Variants in SAMD5 observed in about 807,000 individuals in gnomAD.
SAMD5 encodes sterile alpha motif domain-containing protein 5.
A neutral mutation model predicts 11.3 loss-of-function variants in SAMD5; 13 were observed. That is an observed-to-expected ratio of 1.15 (90% CI 0.75 to 1.83). SAMD5 has a LOEUF of 1.83. SAMD5 is among the 40% of genes most tolerant of loss of function. The probability of loss-of-function intolerance (pLI) is 0.00; values close to 1 mark genes in which losing one functional copy is unlikely to be tolerated. For synonymous variants in SAMD5, 129 were observed against 111.3 expected, an observed-to-expected ratio of 1.16 and a Z score of -1.00; for missense variants, 255 against 239.1, an observed-to-expected ratio of 1.07 and a Z score of -0.44.
chr6:147,913,663 T>G, the SAMD5 span, among the ~76,000 whole-genome samples: 1 of 152,028 alleles, frequency 6.6e-6, no homozygotes, highest in East Asian at 1.9e-4. Flanking sequence ...GCCATTGCAC[T>G]CCAGCCTGGG....
the SAMD5 span, among the ~76,000 whole-genome samples, chr6:147,878,637 AT>A: frequency 6.7e-6 from 1 of 148,268 alleles, no homozygotes; most frequent in African/African-American, 2.5e-5. Flanking sequence ...ATATCTATAT[AT>A]TTACAGAGAT....
chr6:147,785,405 A>G, the SAMD5 span, among the ~76,000 whole-genome samples: 12 of 152,126 alleles, frequency 7.9e-5, no homozygotes, highest in Non-Finnish European at 1.5e-4. Flanking sequence ...CACCTTTGGT[A>G]GGGACCACAT....
the SAMD5 span, among the ~76,000 whole-genome samples, chr6:147,782,863 G>T: frequency 6.6e-6 from 1 of 152,156 alleles, no homozygotes; most frequent in East Asian, 1.9e-4. Flanking sequence ...CTAGTAATAT[G>T]CTCCCATTGT....
the SAMD5 span, among the ~76,000 whole-genome samples, chr6:147,924,365 T>C: frequency 2.0e-5 from 3 of 152,122 alleles, no homozygotes; most frequent in Admixed American, 2.0e-4. Flanking sequence ...AGTAGGCTTA[T>C]AGGGTGCACT....
At chr6:147,781,164 T>TG in the SAMD5 span, among the ~76,000 whole-genome samples, 1 of 151,832 alleles carries the variant, frequency 6.6e-6, no homozygotes, top group African/African-American at 2.4e-5. Context: ...GATTTGTTTT[T>TG]TTTTTTTTTG....
At chr6:147,745,777 C>CTTTTTTTT in the SAMD5 span, among the ~76,000 whole-genome samples, 1 of 133,252 alleles carries the variant, frequency 7.5e-6, no homozygotes, top group South Asian at 2.5e-4. Context: ...TTCTTTCTTT[C>CTTTTTTTT]TTTTTTTTTT....
chr6:147,920,638 A>G, the SAMD5 span, among the ~76,000 whole-genome samples: 1 of 152,104 alleles, frequency 6.6e-6, no homozygotes, highest in African/African-American at 2.4e-5. Context: ...ACCTCAAGCT[A>G]TTTTCTTCAA....
chr6:147,509,033 G>A lies in SAMD5; in HGVS notation c.105G>A (p.Gln35=). 1.2e-6 allele frequency: 2 copies of A among 1,607,336 alleles called. No individual in the cohort carries two copies. Among genetic ancestry groups the A allele is most frequent in the African/African-American group, 1.3e-5 (1 of 74,812 alleles). Residue 35 remains glutamine, a synonymous_variant, in exon 1 of 2, where the codon CAG becomes CAA. Coordinates refer to ENST00000367474, the MANE Select transcript of SAMD5 (RefSeq NM_001030060.3). ...NGYDDLEVCK[Q]IGDPDLDAIG... ...ACGATGACCTGGAGGTGTGCAAGCA[G>A]ATCGGGGACCCGGACCTGGATGCCA... is the stretch of plus-strand genomic sequence containing the variant.
At chr6:147,898,919 C>A in the SAMD5 span, among the ~76,000 whole-genome samples, 37 of 151,492 alleles carry the variant, frequency 2.4e-4, no homozygotes, top group African/African-American at 8.7e-4. Context: ...GGTGGCTCAC[C>A]CCTGTAATCC....
chr6:147,697,101 C>A (rs533088278), intron 1 of SAMD5, among the ~76,000 whole-genome samples: 13 of 152,174 alleles, frequency 8.5e-5, no homozygotes, highest in Admixed American at 8.5e-4. Flanking sequence ...TTTGGGAGGG[C>A]GCTAATCCCA....
At chr6:147,676,925 G>C (rs1340184887) in intron 1 of SAMD5, among the ~76,000 whole-genome samples, 1 of 152,038 alleles carries the variant, frequency 6.6e-6, no homozygotes, top group African/African-American at 2.4e-5. Flanking sequence ...AGAAATGACA[G>C]AAGCTGGGGC....
At chr6:147,946,799 A>C in the SAMD5 span, among the ~76,000 whole-genome samples, 1 of 152,236 alleles carries the variant, frequency 6.6e-6, no homozygotes, top group Non-Finnish European at 1.5e-5. Context: ...TTTATAACTA[A>C]TTAGCAACTG....
intron 1 of SAMD5, among the ~76,000 whole-genome samples, chr6:147,586,442 A>G (rs1789375276): frequency 6.6e-6 from 1 of 152,170 alleles, no homozygotes; most frequent in African/African-American, 2.4e-5. Context: ...AAGGGAAAAA[A>G]AAGTAGAAAT....
At chr6:147,646,072 A>G (rs538651101) in intron 1 of SAMD5, among the ~76,000 whole-genome samples, 1 of 145,634 alleles carries the variant, frequency 6.9e-6, no homozygotes, top group East Asian at 2.0e-4. Flanking sequence ...CTATCTATCT[A>G]TCTAGTCTTA....
downstream of SAMD5, among the ~76,000 whole-genome samples, chr6:147,737,725 G>A (rs1187486793): frequency 8.6e-6 from 1 of 116,912 alleles, no homozygotes; most frequent in African/African-American, 3.3e-5. Flanking sequence ...ATAGAGTGGA[G>A]TATTAAACAT....
At chr6:147,803,362 C>T in the SAMD5 span, among the ~76,000 whole-genome samples, 864 of 152,188 alleles carry the variant, frequency 5.7e-3, 4 homozygotes, top group Middle Eastern at 0.01. Context: ...GTCCTTTGTT[C>T]GGCCATCGTC....
the SAMD5 span, among the ~76,000 whole-genome samples, chr6:147,761,619 A>G: frequency 6.6e-6 from 1 of 152,218 alleles, no homozygotes; most frequent in African/African-American, 2.4e-5. Flanking sequence ...AATAATTTTT[A>G]CAAATGTGCT....
At chr6:147,878,046 G>A in the SAMD5 span, among the ~76,000 whole-genome samples, 1 of 151,586 alleles carries the variant, frequency 6.6e-6, no homozygotes, top group Non-Finnish European at 1.5e-5. Flanking sequence ...CAAAGTGCTA[G>A]GATTACATGC....
intron 1 of SAMD5, among the ~76,000 whole-genome samples, chr6:147,722,955 C>T (rs950771177): frequency 6.6e-6 from 1 of 152,176 alleles, no homozygotes; most frequent in Non-Finnish European, 1.5e-5. Flanking sequence ...GCTACTCTTA[C>T]CTTGTGCTCA....
Sources: gnomAD v4.1 joint callset for allele counts (sites outside exome capture counted in the v4.1 genomes callset) on GRCh38, gnomAD v4.1.1 for gene constraint, MANE v1.5 for transcripts, NCBI Gene and HGNC (gene_info 2026-07-23, HGNC 2026-07-21) for gene names.